The following KCNJ6 variants were observed in gnomAD, a reference collection of about 807,000 sequenced individuals.
The protein encoded by KCNJ6 is G protein-activated inward rectifier potassium channel 2.
In KCNJ6, 9 loss-of-function variants were observed where a neutral mutation model predicts 34.2. The ratio of observed to expected loss-of-function variants is 0.26; its 90% CI spans 0.16 to 0.46. The LOEUF is 0.46. Among genes scored for constraint, KCNJ6 ranks in the 20% least tolerant of loss-of-function variants. The probability of loss-of-function intolerance (pLI) is 1.00; values close to 1 mark genes in which losing one functional copy is unlikely to be tolerated. For missense variants in KCNJ6, 236 were observed against 531.3 expected (o/e 0.44, Z 5.46); for synonymous variants, 196 against 207.1 (o/e 0.95, Z 0.46).
rs2054240049 is a variant in KCNJ6 at position 37,610,725 on chromosome 21, C to A, written c.*14434G>T. ...AATGCCAAAATACTTGGAGATTAAA[C>A]AACACACGTGTAAATATCATGGGTC... On this transcript the variant is annotated 3_prime_UTR_variant, in exon 4 of 4. Transcript: ENST00000609713. 1 of 148,796 alleles carries A rather than the reference C, an allele frequency of 6.7e-6. No individual in the cohort carries two copies. The highest frequency in any genetic ancestry group is 2.2e-4 in the South Asian group (1 of 4,598). 9.2% of individuals were successfully genotyped at this position (148,796 alleles called of 1,614,324 possible).
At chr21:37,809,773 G>C (rs2055313387) in intron 2 of KCNJ6, among the ~76,000 whole-genome samples, 1 of 152,174 alleles carries the variant, frequency 6.6e-6, no homozygotes, top group Non-Finnish European at 1.5e-5. Flanking sequence ...TATGTGTGCT[G>C]CTTCTGGGCC....
intron 3 of KCNJ6, among the ~76,000 whole-genome samples, chr21:37,713,092 A>G (rs1220589981): frequency 6.6e-6 from 1 of 152,132 alleles, no homozygotes; most frequent in African/African-American, 2.4e-5. Flanking sequence ...GAAATTTGTG[A>G]GAGGTTGTGA....
In KCNJ6 at chr21:37,612,724, C is replaced by CAAA. The variant is rs3035306; in HGVS notation, c.*12432_*12434dup. The stretch of plus-strand genomic sequence containing the variant: ...AGCTGCACATTTGCACATCCACAGG[C>CAAA]AAAAAAAAAAAAAAAAAAAAGAGTC... On this transcript the variant is annotated 3_prime_UTR_variant, in exon 4 of 4. Transcript: ENST00000609713. The CAAA allele has an allele frequency of 1.9e-5, 2 of 107,766 alleles. No homozygotes were observed. The highest frequency in any genetic ancestry group is 3.6e-5 in the African/African-American group (1 of 28,002). The allele number at this position is 107,766 out of a possible 1,614,324, so 6.7% of individuals were successfully genotyped here.
At chr21:37,905,098 G>A (rs1330966068) in intron 1 of KCNJ6, among the ~76,000 whole-genome samples, 1 of 152,156 alleles carries the variant, frequency 6.6e-6, no homozygotes, top group Non-Finnish European at 1.5e-5. Context: ...TTCTTTGGGT[G>A]GAATCCATCA....
intron 2 of KCNJ6, among the ~76,000 whole-genome samples, chr21:37,720,913 T>C (rs1407268401): frequency 6.6e-6 from 1 of 151,498 alleles, no homozygotes; most frequent in Non-Finnish European, 1.5e-5. Flanking sequence ...TTCACCTTGT[T>C]AGCCAGGATG....
chr21:37,784,414 G>A (rs1349034851), intron 2 of KCNJ6, among the ~76,000 whole-genome samples: 2 of 152,112 alleles, frequency 1.3e-5, no homozygotes, highest in African/African-American at 2.4e-5. Context: ...GAGTAAGCTG[G>A]GTGTCACAAA....
intron 2 of KCNJ6, among the ~76,000 whole-genome samples, chr21:37,736,422 G>A (rs1336038116): frequency 1.3e-5 from 2 of 152,198 alleles, no homozygotes; most frequent in Non-Finnish European, 2.9e-5. Context: ...TTTGGAACAT[G>A]ATGGAGTTGT....
At chr21:37,891,653 A>ACCTAGGAAGAC (rs61560963) in intron 1 of KCNJ6, among the ~76,000 whole-genome samples, 152,072 of 152,078 alleles carry the variant, frequency 1, 76,033 homozygotes, top group Middle Eastern at 1. Flanking sequence ...ACCCAGCTGA[A>ACCTAGGAAGAC]CCTAGGGGGC....
intron 3 of KCNJ6, among the ~76,000 whole-genome samples, chr21:37,669,338 A>G (rs181011054): frequency 6.6e-6 from 1 of 152,320 alleles, no homozygotes; most frequent in African/African-American, 2.4e-5. Context: ...CACCTTGGGC[A>G]CATGTTCTCC....
intron 2 of KCNJ6, among the ~76,000 whole-genome samples, chr21:37,720,778 G>A (rs1156626807): frequency 6.6e-6 from 1 of 150,740 alleles, no homozygotes; most frequent in African/African-American, 2.4e-5. Flanking sequence ...CGCAATCTCG[G>A]CTCACTGCAA....
At chr21:37,753,635 G>T (rs1194565543) in intron 2 of KCNJ6, among the ~76,000 whole-genome samples, 2 of 152,138 alleles carry the variant, frequency 1.3e-5, no homozygotes, top group Non-Finnish European at 2.9e-5. Context: ...ACTTGGAATC[G>T]AAAAGGTTAA....
At chr21:37,678,167 C>G (rs1280156335) in intron 3 of KCNJ6, among the ~76,000 whole-genome samples, 1 of 151,986 alleles carries the variant, frequency 6.6e-6, no homozygotes, top group Non-Finnish European at 1.5e-5. Context: ...ATTAGGAGAG[C>G]CTTGAAGGAT....
At chr21:37,630,447 G>A (rs1360886448) in intron 3 of KCNJ6, among the ~76,000 whole-genome samples, 1 of 152,066 alleles carries the variant, frequency 6.6e-6, no homozygotes, top group Non-Finnish European at 1.5e-5. Flanking sequence ...GAAAAGAGTG[G>A]ACTTGGGGAA....
intron 1 of KCNJ6, among the ~76,000 whole-genome samples, chr21:37,866,890 CCTT>C (rs969258520): frequency 2.6e-5 from 4 of 152,322 alleles, no homozygotes; most frequent in South Asian, 4.1e-4. Flanking sequence ...TAGAACATAT[CCTT>C]CTAGGTTTTC....
At chr21:37,738,588 C>A (rs542849749) in intron 2 of KCNJ6, among the ~76,000 whole-genome samples, 1 of 152,358 alleles carries the variant, frequency 6.6e-6, no homozygotes, top group African/African-American at 2.4e-5. Context: ...CTTGAGAAGT[C>A]ATGTTTTACC....
intron 3 of KCNJ6, among the ~76,000 whole-genome samples, chr21:37,666,868 C>T (rs1427479236): frequency 6.6e-6 from 1 of 151,568 alleles, no homozygotes; most frequent in African/African-American, 2.4e-5. Flanking sequence ...CCCGTGCTCT[C>T]TGAAACATGT....
At chr21:37,716,645 A>G (rs2054792973) in intron 2 of KCNJ6, among the ~76,000 whole-genome samples, 1 of 152,074 alleles carries the variant, frequency 6.6e-6, no homozygotes, top group Non-Finnish European at 1.5e-5. Context: ...GGCCTCCCAA[A>G]ATGCTGGGAT....
chr21:37,882,519 G>A (rs563290030), intron 1 of KCNJ6, among the ~76,000 whole-genome samples: 19 of 152,224 alleles, frequency 1.2e-4, no homozygotes, highest in East Asian at 5.8e-4. Flanking sequence ...CCAGCCCTTC[G>A]CCCCCAGCCT....
intron 2 of KCNJ6, among the ~76,000 whole-genome samples, chr21:37,732,946 G>A (rs2054893282): frequency 6.6e-6 from 1 of 152,116 alleles, no homozygotes; most frequent in Non-Finnish European, 1.5e-5. Context: ...AGAAAAGGGG[G>A]GGCTGGCAAG....
Sources: allele counts gnomAD v4.1 joint callset (sites outside exome capture counted in the v4.1 genomes callset), GRCh38; gene constraint gnomAD v4.1.1; transcripts MANE v1.5; gene names NCBI Gene and HGNC (gene_info 2026-07-23, HGNC 2026-07-21).